RALGAPA1: variants seen among roughly 807,000 people sequenced by gnomAD.
RALGAPA1 encodes the protein Ral GTPase activating protein catalytic subunit alpha 1.
In RALGAPA1, 52 loss-of-function variants were observed where a neutral mutation model predicts 269.6. That is an observed-to-expected ratio of 0.19 (90% CI 0.15 to 0.24). The LOEUF is 0.24. RALGAPA1 is among the 10% of genes least tolerant of loss of function. The pLI is 1.00. For missense variants in RALGAPA1, 1,917 were observed against 3,013.9 expected, an observed-to-expected ratio of 0.64 and a Z score of 8.52; for synonymous variants, 817 against 1,008.3, an observed-to-expected ratio of 0.81 and a Z score of 3.60.
intron 36 of RALGAPA1, among the ~76,000 whole-genome samples, chr14:35,600,224 CTTTTTTTCTTTTTT>C (rs2059199954): frequency 5.4e-5 from 5 of 92,646 alleles, no homozygotes; most frequent in South Asian, 3.8e-4. Context: ...TTTTCTTTTT[CTTTTTTTCTTTTTT>C]TTTTTTTTTT....
At chr14:35,752,507 GGTGT>G (rs926488377) in intron 7 of RALGAPA1, among the ~76,000 whole-genome samples, 3 of 152,100 alleles carry the variant, frequency 2.0e-5, no homozygotes, top group Admixed American at 6.6e-5. Context: ...ATGTGGCAGG[GGTGT>G]GTGTATGTAA....
intron 10 of RALGAPA1, among the ~76,000 whole-genome samples, chr14:35,747,449 C>T (rs141312969): frequency 7.5e-4 from 114 of 152,274 alleles, no homozygotes; most frequent in African/African-American, 2.6e-3. Flanking sequence ...AAACACAAAC[C>T]TTAAATCTGG....
At chr14:35,612,700 C>G (rs186341103) in intron 35 of RALGAPA1, among the ~76,000 whole-genome samples, 157 of 151,888 alleles carry the variant, frequency 1.0e-3, no homozygotes, top group African/African-American at 3.5e-3. Context: ...CACCACGCCC[C>G]GCTAATTTTT....
At chr14:35,729,512 T>C (rs924940489) in intron 12 of RALGAPA1, among the ~76,000 whole-genome samples, 1 of 151,942 alleles carries the variant, frequency 6.6e-6, no homozygotes, top group Non-Finnish European at 1.5e-5. Flanking sequence ...CCAGTAAGCA[T>C]AAAAGGAAGA....
At chr14:35,655,992 A>C in intron 28 of RALGAPA1, 77 bp from the exon 29 acceptor site, 1 of 1,601,278 alleles carries the variant, frequency 6.2e-7, no homozygotes, top group Non-Finnish European at 8.5e-7. Context: ...CAACTGACAC[A>C]GAATGAACAT....
At chr14:35,668,012 G>C (rs2064091576) in intron 26 of RALGAPA1, among the ~76,000 whole-genome samples, 1 of 152,160 alleles carries the variant, frequency 6.6e-6, no homozygotes, top group Non-Finnish European at 1.5e-5. Flanking sequence ...AACATGGGTA[G>C]AACTGGAGAA....
At chr14:35,741,367 T>C (rs2071531130) in intron 11 of RALGAPA1, among the ~76,000 whole-genome samples, 2 of 152,118 alleles carry the variant, frequency 1.3e-5, no homozygotes, top group Admixed American at 1.3e-4. Context: ...ATTCATATGG[T>C]TAATTTTATT....
intron 21 of RALGAPA1, among the ~76,000 whole-genome samples, chr14:35,679,619 T>A (rs143642081): frequency 1.1e-3 from 172 of 152,366 alleles, no homozygotes; most frequent in African/African-American, 3.9e-3. Context: ...AAGTAAGGTT[T>A]CTACTGAATG....
At chr14:35,714,005 G>A (rs1436973564) in intron 16 of RALGAPA1, among the ~76,000 whole-genome samples, 1 of 151,652 alleles carries the variant, frequency 6.6e-6, no homozygotes, top group Non-Finnish European at 1.5e-5. Flanking sequence ...TGAGGCAGGA[G>A]AATTGCTTGA....
chr14:35,642,783 C>G (rs2062111849), intron 31 of RALGAPA1, among the ~76,000 whole-genome samples: 1 of 152,256 alleles, frequency 6.6e-6, no homozygotes, highest in East Asian at 1.9e-4. Context: ...GGCAATTCCT[C>G]AAGGATCTAG....
intron 31 of RALGAPA1, among the ~76,000 whole-genome samples, chr14:35,638,764 A>AC (rs2061822960): frequency 6.6e-6 from 1 of 151,958 alleles, no homozygotes; most frequent in African/African-American, 2.4e-5. Context: ...ATCTCTACTA[A>AC]AAAACCAAAA....
chr14:35,779,687 C>T (rs2141614255), intron 1 of RALGAPA1, among the ~76,000 whole-genome samples: 1 of 151,818 alleles, frequency 6.6e-6, no homozygotes, highest in East Asian at 1.9e-4. Flanking sequence ...ACAAAGCAAA[C>T]CAAAAAAACA....
At chr14:35,544,957 G>A (rs764125549) in intron 41 of RALGAPA1, among the ~76,000 whole-genome samples, 1 of 152,154 alleles carries the variant, frequency 6.6e-6, no homozygotes. Context: ...TGAGGCAGGA[G>A]AATTGCTTGA....
At chr14:35,733,970 T>A (rs1460099123) in intron 12 of RALGAPA1, among the ~76,000 whole-genome samples, 1 of 150,476 alleles carries the variant, frequency 6.6e-6, no homozygotes, top group East Asian at 2.0e-4. Context: ...AATAAATAAA[T>A]AAAATACTTA....
chr14:35,676,585 T>TA (rs1439269509), intron 22 of RALGAPA1: 2 of 152,220 alleles, frequency 1.3e-5, no homozygotes, highest in African/African-American at 2.4e-5. Flanking sequence ...ATTGAGGACT[T>TA]ACGACTATAG....
At chr14:35,781,478 C>T (rs943360585) in intron 1 of RALGAPA1, among the ~76,000 whole-genome samples, 1 of 152,076 alleles carries the variant, frequency 6.6e-6, no homozygotes, top group African/African-American at 2.4e-5. Context: ...CCAATATTCT[C>T]ATATGAAAAT....
At chr14:35,595,275 A>G (rs560232860) in intron 37 of RALGAPA1, among the ~76,000 whole-genome samples, 2 of 152,128 alleles carry the variant, frequency 1.3e-5, no homozygotes, top group African/African-American at 2.4e-5. Context: ...TGTAGATTTT[A>G]GCTGTTCTTG....
At chr14:35,554,259 A>G (rs2055323254) in intron 39 of RALGAPA1, among the ~76,000 whole-genome samples, 1 of 149,688 alleles carries the variant, frequency 6.7e-6, no homozygotes, top group African/African-American at 2.5e-5. Context: ...CATCTTGAAG[A>G]TTGCTGCAAA....
intron 3 of RALGAPA1, 54 bp downstream of exon 3, chr14:35,774,952 A>G (rs1374531014): frequency 1.2e-5 from 12 of 1,038,280 alleles, no homozygotes; most frequent in African/African-American, 8.0e-5. Context: ...ATTCCTTTGT[A>G]TGTTCCAAAA....
Sources: allele counts gnomAD v4.1 joint callset (sites outside exome capture counted in the v4.1 genomes callset), GRCh38; gene constraint gnomAD v4.1.1; transcripts MANE v1.5; gene names NCBI Gene and HGNC (gene_info 2026-07-23, HGNC 2026-07-21).